Variants in IL10RB observed in about 807,000 individuals in gnomAD.
IL10RB encodes interleukin-10 receptor subunit beta.
In IL10RB, 30 loss-of-function variants were observed where a neutral mutation model predicts 38.7. That is an observed-to-expected ratio of 0.78 (90% CI 0.58 to 1.05). The LOEUF is 1.05. IL10RB is among the 50% of genes least tolerant of loss of function. IL10RB has a pLI of 0.00. For synonymous variants in IL10RB, 142 were observed against 145.9 expected (o/e 0.97, Z 0.19); for missense variants, 328 against 397.1 (o/e 0.83, Z 1.48).
At chr21:33,292,289 G>A (rs1443019233) in intron 6 of IL10RB, among the ~76,000 whole-genome samples, 1 of 152,098 alleles carries the variant, frequency 6.6e-6, no homozygotes, top group African/African-American at 2.4e-5. Flanking sequence ...CTGCCCGTGG[G>A]GACACTTTCT....
chr21:33,295,754 A>C (rs947098515), intron 6 of IL10RB, among the ~76,000 whole-genome samples: 2 of 151,310 alleles, frequency 1.3e-5, no homozygotes, highest in African/African-American at 4.9e-5. Context: ...TAAATAATAA[A>C]TCAAAAGATG....
rs531666376 is a variant in IL10RB, at chr21:33,296,225, C to G, written c.846C>G (p.Ser282=). Residue 282 remains serine, a synonymous_variant, in exon 7 of 7, where the codon TCC becomes TCG. Transcript: ENST00000290200. The part of the protein sequence containing the change: ...HPHHNTLLFF[S]FPLSDENDVF... ...ATCATAACACACTTCTGTTTTTCTC[C>G]TTTCCATTGTCGGATGAGAATGATG... The G allele has an allele frequency of 1.9e-6, 3 of 1,614,020 alleles. No individual in the cohort carries two copies. Among genetic ancestry groups the G allele is most frequent in the Non-Finnish European group, 2.5e-6 (3 of 1,179,986 alleles).
At chr21:33,267,755 A>G (rs1457572789) in intron 1 of IL10RB, among the ~76,000 whole-genome samples, 3 of 151,872 alleles carry the variant, frequency 2.0e-5, no homozygotes, top group Non-Finnish European at 4.4e-5. Context: ...ACCTCAGGTG[A>G]TTCACCTTCC....
chr21:33,306,215 G>A (rs2082998601), intron 1 of IL10RB, among the ~76,000 whole-genome samples: 1 of 152,150 alleles, frequency 6.6e-6, no homozygotes, highest in Admixed American at 6.5e-5. Flanking sequence ...GCAGATGGAA[G>A]GCCTACAGCA....
chr21:33,279,764 C>A lies in IL10RB; in HGVS notation c.344C>A (p.Pro115His). The change falls in exon 4 of 7, where the codon CCC (proline) becomes CAC (histidine). Residue 115 changes from proline to histidine, a missense_variant. Physicochemically the swap from Pro to His is moderately conservative, Grantham distance 77. Transcript: ENST00000290200. ...TTCTTCTGCTTAGCCATTATTGGAC[C>A]CCCTGGAATGCAAGTAGAAGTACTT... ...FCPVDDTIIG[P>H]PGMQVEVLAD... 1.2e-6 allele frequency: 2 copies of A among 1,613,626 alleles called. No homozygotes were observed. The highest frequency in any genetic ancestry group is 1.7e-6 in the Non-Finnish European group (2 of 1,179,706).
chr21:33,284,241 A>G (rs1269064607), intron 5 of IL10RB, among the ~76,000 whole-genome samples: 1 of 149,560 alleles, frequency 6.7e-6, no homozygotes, highest in Non-Finnish European at 1.5e-5. Context: ...GGCTGCAGTG[A>G]GCTGAGGTCA....
chr21:33,277,156 T>C (rs1000148905), intron 3 of IL10RB, among the ~76,000 whole-genome samples: 2 of 152,018 alleles, frequency 1.3e-5, no homozygotes, highest in Non-Finnish European at 2.9e-5. Flanking sequence ...GAAAATATGA[T>C]GCGGACAGCC....
At chr21:33,295,963 G>C (rs557813951) in intron 6 of IL10RB, among the ~76,000 whole-genome samples, 1 of 151,998 alleles carries the variant, frequency 6.6e-6, no homozygotes, top group South Asian at 2.1e-4. Flanking sequence ...AGAATTGCTT[G>C]AACCTGAGAG....
intron 6 of IL10RB, among the ~76,000 whole-genome samples, chr21:33,294,649 T>G (rs1421174565): frequency 6.6e-6 from 1 of 152,010 alleles, no homozygotes; most frequent in East Asian, 1.9e-4. Context: ...TCCCTACAGG[T>G]CCATGCCAGG....
chr21:33,309,990 C>A (rs1601843128), exon 2 of IL10RB: 1 of 152,202 alleles, frequency 6.6e-6, no homozygotes, highest in African/African-American at 2.4e-5. Flanking sequence ...GGCCCTGAAT[C>A]GATGAGATTA....
chr21:33,300,913 C>A (rs11088250), downstream of IL10RB, among the ~76,000 whole-genome samples: 2 of 152,012 alleles, frequency 1.3e-5, no homozygotes, highest in Non-Finnish European at 2.9e-5. Context: ...TTTAAACCAC[C>A]CAGCTTGCGA....
At chr21:33,266,603 G>C (rs1988950378) in intron 1 of IL10RB, 89 bp downstream of exon 1, 1 of 1,369,764 alleles carries the variant, frequency 7.3e-7, no homozygotes, top group African/African-American at 1.4e-5. Context: ...CGCCCTGCAA[G>C]TGACTTAAGA....
intron 1 of IL10RB, among the ~76,000 whole-genome samples, chr21:33,306,666 T>C (rs2123616338): frequency 6.6e-6 from 1 of 152,218 alleles, no homozygotes; most frequent in African/African-American, 2.4e-5. Flanking sequence ...TCCAAGTAGC[T>C]GGGACTACAG....
At chr21:33,297,676 G>T (rs962493118), downstream of IL10RB, among the ~76,000 whole-genome samples, 3 of 151,956 alleles carry the variant, frequency 2.0e-5, no homozygotes, top group Non-Finnish European at 4.4e-5. Context: ...AATTAGGCAT[G>T]GTGGCATGTG....
intron 1 of IL10RB, 43 bp downstream of exon 1, chr21:33,266,557 G>A (rs1281537462): frequency 6.5e-7 from 1 of 1,530,612 alleles, no homozygotes; most frequent in Non-Finnish European, 8.8e-7. Flanking sequence ...GAACCGGGAG[G>A]CCCCGCGAGA....
chr21:33,273,895 C>T (rs1401805866), intron 2 of IL10RB, among the ~76,000 whole-genome samples: 10 of 152,184 alleles, frequency 6.6e-5, no homozygotes, highest in South Asian at 4.1e-4. Flanking sequence ...CTTCGGGTTC[C>T]GCTTCTAATT....
chr21:33,288,160 T>C lies in IL10RB; in HGVS notation c.703T>C (p.Cys235Arg). The C allele has an allele frequency of 3.7e-6, 6 of 1,614,154 alleles. No individual in the cohort carries two copies. The highest frequency in any genetic ancestry group is 5.1e-6 in the Non-Finnish European group (6 of 1,180,000). The change falls in exon 6 of 7, where the codon TGC (cysteine) becomes CGC (arginine). Residue 235 changes from cysteine (C) to arginine (R), a missense_variant. Transcript: ENST00000290200. ...VILMASVFMV[C>R]LALLGCFALL... ...CCTCATGGCCTCGGTCTTCATGGTCTGCCTGGCACTCCTCGGCTGCTTCGC... is the reference window on the plus strand; with the variant it reads ...CCTCATGGCCTCGGTCTTCATGGTCCGCCTGGCACTCCTCGGCTGCTTCGC...
intron 6 of IL10RB, chr21:33,294,250 T>G (rs8178556): frequency 0.066 from 21,854 of 329,250 alleles, 944 homozygotes; most frequent in South Asian, 0.13. Context: ...ATAGAATCCA[T>G]TAACCAGGAT....
chr21:33,301,595 A>G (rs1319437225), downstream of IL10RB, among the ~76,000 whole-genome samples: 2 of 152,176 alleles, frequency 1.3e-5, no homozygotes, highest in Non-Finnish European at 2.9e-5. Flanking sequence ...CCTGCCTGCT[A>G]CTGGGCTGCC....
Sources: allele counts gnomAD v4.1 joint callset (sites outside exome capture counted in the v4.1 genomes callset), GRCh38; gene constraint gnomAD v4.1.1; transcripts MANE v1.5; gene names NCBI Gene and HGNC (gene_info 2026-07-23, HGNC 2026-07-21).